The following PCDH9 variants were observed in gnomAD, a reference collection of about 807,000 sequenced individuals.
PCDH9 encodes the protein protocadherin 9, also known as protocadherin-9.
PCDH9 carries 24 observed loss-of-function variants against 70.6 expected under a neutral mutation model. That is an observed-to-expected ratio of 0.34 (90% confidence interval 0.25 to 0.48). The LOEUF is 0.48. PCDH9 is among the 20% of genes least tolerant of loss of function. PCDH9 has a pLI of 0.99. For missense variants in PCDH9, 1,281 were observed against 1,503.6 expected (o/e 0.85, Z 2.45); for synonymous variants, 562 against 558.5 (o/e 1.01, Z -0.09).
chr13:66,770,170 G>A (rs1566182219), intron 3 of PCDH9, among the ~76,000 whole-genome samples: 1 of 152,026 alleles, frequency 6.6e-6, no homozygotes. Flanking sequence ...AGATAGAAAA[G>A]ATACTACTTA....
chr13:66,568,048 C>A (rs1282821520), intron 4 of PCDH9, among the ~76,000 whole-genome samples: 1 of 152,016 alleles, frequency 6.6e-6, no homozygotes, highest in Non-Finnish European at 1.5e-5. Flanking sequence ...AGTTTGAAGG[C>A]CTAACTCCCT....
At chr13:66,865,518 T>C (rs922043618) in intron 3 of PCDH9, among the ~76,000 whole-genome samples, 4 of 152,268 alleles carry the variant, frequency 2.6e-5, no homozygotes, top group African/African-American at 7.2e-5. Context: ...GCTTTTCTTT[T>C]ACAGGGGCAG....
chr13:66,413,094 A>T (rs1957398157), intron 4 of PCDH9, among the ~76,000 whole-genome samples: 1 of 152,216 alleles, frequency 6.6e-6, no homozygotes, highest in Non-Finnish European at 1.5e-5. Context: ...AAACTGTCAA[A>T]GGCAAGGAAT....
intron 2 of PCDH9, chr13:67,202,165 G>T (rs991286061): frequency 2.0e-5 from 3 of 151,998 alleles, no homozygotes; most frequent in Admixed American, 2.0e-4. Flanking sequence ...GTGTGGTGAG[G>T]TGAGGAGAAG....
At chr13:66,431,105 G>A (rs1264983845) in intron 4 of PCDH9, among the ~76,000 whole-genome samples, 1 of 151,972 alleles carries the variant, frequency 6.6e-6, no homozygotes, top group Non-Finnish European at 1.5e-5. Flanking sequence ...GTAGGTCCTA[G>A]GGAATGAAAG....
intron 2 of PCDH9, chr13:67,208,482 A>G (rs1593622632): frequency 6.6e-6 from 1 of 152,060 alleles, no homozygotes; most frequent in Admixed American, 6.6e-5. Context: ...CTTTTTTCCT[A>G]TATGTGCAAA....
At chr13:67,179,147 T>C (rs57150127) in intron 2 of PCDH9, among the ~76,000 whole-genome samples, 2 of 152,014 alleles carry the variant, frequency 1.3e-5, no homozygotes, top group East Asian at 3.9e-4. Flanking sequence ...CTGTGTTGGG[T>C]TGGCATTTTT....
chr13:66,877,227 A>G (rs1047259043), intron 3 of PCDH9, among the ~76,000 whole-genome samples: 12 of 151,462 alleles, frequency 7.9e-5, no homozygotes, highest in Admixed American at 6.6e-4. Flanking sequence ...CAGAGTCTGT[A>G]GCCTAATTCA....
At chr13:66,573,129 T>A (rs1473096841) in intron 4 of PCDH9, among the ~76,000 whole-genome samples, 4 of 152,186 alleles carry the variant, frequency 2.6e-5, no homozygotes, top group Non-Finnish European at 5.9e-5. Context: ...TCATTTTACC[T>A]GAGGTCAGAT....
At chr13:66,940,772 A>G in intron 2 of PCDH9, among the ~76,000 whole-genome samples, 1 of 123,844 alleles carries the variant, frequency 8.1e-6, no homozygotes, top group South Asian at 3.0e-4. Context: ...AAAAATGTCA[A>G]AAAAGAGGAA....
rs554743368 is a variant in PCDH9 at position 67,210,970 on chromosome 13, G to C, written c.3036+14435C>G. On this transcript the variant is annotated intron_variant, in intron 2 of 4. Transcript: ENST00000377865. ...TTTTATTTAGAAATTGGTTACTACA[G>C]ACAGAGCAACTATCATGTGACTTCT... The C allele has an allele frequency of 2.2e-4, 33 of 152,056 alleles. 1 individual carries two copies. The highest frequency in any genetic ancestry group is 4.4e-5 in the Non-Finnish European group (3 of 67,836). 9.4% of individuals were successfully genotyped at this position (152,056 alleles called of 1,614,324 possible).
rs924020576 is a variant in PCDH9, at chr13:67,154,933, G to A, written c.3036+70472C>T. Among the ~76,000 whole-genome samples the A allele has an allele frequency of 2.6e-5, 4 of 151,838 alleles. No individual in the cohort carries two copies. The East Asian group carries it at 5.8e-4, about 22-fold the overall frequency. On this transcript the variant is annotated intron_variant, in intron 2 of 4. Coordinates refer to ENST00000377865, the MANE Select transcript of PCDH9 (RefSeq NM_203487.3). ...TTGCCATGTTGGTCAGTCTGGTCTC[G>A]AACTCCTGATCTCAGGTGATCCACC...
intron 3 of PCDH9, among the ~76,000 whole-genome samples, chr13:66,778,584 G>A (rs1391350263): frequency 6.6e-6 from 1 of 152,180 alleles, no homozygotes; most frequent in African/African-American, 2.4e-5. Context: ...AATTGCGAAA[G>A]TTTGAAATTA....
At chr13:66,952,872 C>A (rs952089516) in intron 2 of PCDH9, among the ~76,000 whole-genome samples, 1 of 152,148 alleles carries the variant, frequency 6.6e-6, no homozygotes, top group African/African-American at 2.4e-5. Context: ...CTGTCACCCT[C>A]CCTGCCTCCT....
At chr13:66,897,549 C>T (rs2082203773) in intron 3 of PCDH9, among the ~76,000 whole-genome samples, 2 of 152,056 alleles carry the variant, frequency 1.3e-5, no homozygotes, top group African/African-American at 4.8e-5. Flanking sequence ...TATTTGCCTA[C>T]ATCCCTCTTA....
At chr13:66,306,880 T>C (rs941993727) in intron 4 of PCDH9, among the ~76,000 whole-genome samples, 4 of 152,060 alleles carry the variant, frequency 2.6e-5, no homozygotes, top group African/African-American at 7.2e-5. Context: ...TTATCACTTT[T>C]AGGCTCCCTT....
chr13:66,441,699 G>A, intron 4 of PCDH9, among the ~76,000 whole-genome samples: 1 of 151,762 alleles, frequency 6.6e-6, no homozygotes, highest in South Asian at 2.1e-4. Context: ...TTATATTTAT[G>A]TTTTATTACT....
intron 3 of PCDH9, among the ~76,000 whole-genome samples, chr13:66,902,481 A>C (rs371312554): frequency 6.6e-6 from 1 of 151,570 alleles, no homozygotes; most frequent in Non-Finnish European, 1.5e-5. Flanking sequence ...AATAATTATT[A>C]CAATTTTTTT....
chr13:66,910,705 G>T (rs935690207), intron 2 of PCDH9, among the ~76,000 whole-genome samples: 4 of 152,018 alleles, frequency 2.6e-5, no homozygotes, highest in African/African-American at 7.2e-5. Flanking sequence ...TCTATCATAG[G>T]CTGGCTGACA....
Sources: gnomAD v4.1 joint callset for allele counts (sites outside exome capture counted in the v4.1 genomes callset) on GRCh38, gnomAD v4.1.1 for gene constraint, MANE v1.5 for transcripts, NCBI Gene and HGNC (gene_info 2026-07-23, HGNC 2026-07-21) for gene names.